HSD17B2: variants seen among roughly 807,000 people sequenced by gnomAD.
HSD17B2 encodes the protein 17-beta-hydroxysteroid dehydrogenase type 2.
A neutral mutation model predicts 26.9 loss-of-function variants in HSD17B2; 32 were observed. The observed-to-expected ratio is 1.19, with a 90% confidence interval of 0.90 to 1.60. The LOEUF is 1.60. Ranked by LOEUF, HSD17B2 falls within the 40% of genes most tolerant of loss-of-function variation. The pLI is 0.00. For synonymous variants in HSD17B2, 246 were observed against 186.7 expected (o/e 1.32, Z -2.59); for missense variants, 613 against 468.6 (o/e 1.31, Z -2.85).
At chr16:82,063,167 T>C (rs547998679) in intron 1 of HSD17B2, 1 of 152,170 alleles carries the variant, frequency 6.6e-6, no homozygotes, top group South Asian at 2.1e-4. Flanking sequence ...AAGAGAAGAA[T>C]CAGGCAGTCT....
At chr16:82,081,376 C>T (rs1262445799) in intron 3 of HSD17B2, among the ~76,000 whole-genome samples, 2 of 152,152 alleles carry the variant, frequency 1.3e-5, no homozygotes, top group Non-Finnish European at 2.9e-5. Flanking sequence ...CTCCTTCTCT[C>T]TCCCTGGGCC....
chr16:82,076,954 T>C (rs1017041544), intron 3 of HSD17B2, among the ~76,000 whole-genome samples: 10 of 152,182 alleles, frequency 6.6e-5, no homozygotes, highest in East Asian at 5.8e-4. Flanking sequence ...GGAATTAACC[T>C]AACCAGAGAA....
chr16:82,050,300 C>T (rs972732853), intron 1 of HSD17B2, among the ~76,000 whole-genome samples: 13 of 151,940 alleles, frequency 8.6e-5, no homozygotes, highest in African/African-American at 3.1e-4. Context: ...CCCAAGAACT[C>T]CCCTTCATTC....
At chr16:82,062,153 A>G (rs1304372850) in intron 1 of HSD17B2, among the ~76,000 whole-genome samples, 3 of 152,214 alleles carry the variant, frequency 2.0e-5, no homozygotes, top group Admixed American at 2.0e-4. Context: ...GGTGATTCAC[A>G]TTATTTCCCT....
intron 1 of HSD17B2, among the ~76,000 whole-genome samples, chr16:82,065,189 T>C (rs1914541860): frequency 6.6e-6 from 1 of 152,226 alleles, no homozygotes; most frequent in African/African-American, 2.4e-5. Context: ...GCAAAGTTCA[T>C]GATTCTCAGG....
chr16:82,065,307 T>C (rs1914544759), intron 1 of HSD17B2, among the ~76,000 whole-genome samples: 1 of 152,214 alleles, frequency 6.6e-6, no homozygotes, highest in South Asian at 2.1e-4. Flanking sequence ...TCCCCCTCTC[T>C]TAGCTCTCTA....
chr16:82,077,321 A>G (rs1904307695), intron 3 of HSD17B2, among the ~76,000 whole-genome samples: 1 of 152,234 alleles, frequency 6.6e-6, no homozygotes, highest in South Asian at 2.1e-4. Context: ...AAACAGACAT[A>G]TAGACCAACA....
chr16:82,038,391 C>G (rs1913675715), intron 1 of HSD17B2, among the ~76,000 whole-genome samples: 2 of 151,830 alleles, frequency 1.3e-5, no homozygotes, highest in South Asian at 4.2e-4. Context: ...AATCTGTTGC[C>G]CAGGCTGGAG....
At chr16:82,041,960 A>T (rs142047677) in intron 1 of HSD17B2, among the ~76,000 whole-genome samples, 56 of 149,038 alleles carry the variant, frequency 3.8e-4, no homozygotes, top group South Asian at 2.8e-3. Flanking sequence ...AAAATTTATC[A>T]TCTCCTCTTG....
At chr16:82,074,732 G>A (rs915776334) in intron 3 of HSD17B2, among the ~76,000 whole-genome samples, 1 of 152,174 alleles carries the variant, frequency 6.6e-6, no homozygotes, top group South Asian at 2.1e-4. Context: ...CAGAGAGATA[G>A]ACCTCAATAC....
chr16:82,092,214 C>G (rs868567221), intron 4 of HSD17B2: 1 of 152,132 alleles, frequency 6.6e-6, no homozygotes, highest in Non-Finnish European at 1.5e-5. Flanking sequence ...TCCCCAGCTT[C>G]TTTATATTTC....
intron 1 of HSD17B2, among the ~76,000 whole-genome samples, chr16:82,047,397 A>G (rs533082027): frequency 6.6e-6 from 1 of 152,342 alleles, no homozygotes; most frequent in South Asian, 2.1e-4. Flanking sequence ...GGGGATTAGA[A>G]TCCATTCATT....
At chr16:82,062,864 A>T (rs1336696980) in intron 1 of HSD17B2, among the ~76,000 whole-genome samples, 1 of 152,194 alleles carries the variant, frequency 6.6e-6, no homozygotes, top group Admixed American at 6.5e-5. Flanking sequence ...TCAAGGAGTG[A>T]TTCCTTAGCC....
intron 1 of HSD17B2, among the ~76,000 whole-genome samples, chr16:82,046,472 C>A (rs1448023715): frequency 6.6e-6 from 1 of 152,086 alleles, no homozygotes; most frequent in Non-Finnish European, 1.5e-5. Flanking sequence ...CCTGTAATCC[C>A]AGCACTTTGG....
At chr16:82,078,735 G>C (rs987533845) in intron 3 of HSD17B2, among the ~76,000 whole-genome samples, 2 of 152,184 alleles carry the variant, frequency 1.3e-5, no homozygotes, top group African/African-American at 4.8e-5. Context: ...GGATGGAACT[G>C]GAAGTCATTA....
At position 82,098,207 on chromosome 16, in the gene HSD17B2, C is replaced by T. The variant is rs766321993; in HGVS notation, c.935C>T (p.Ser312Leu). ...AQRNFLLLIN[S>L]LASKDFSPVL... ...CGGAATTTCCTCCTATTGATCAACT[C>T]GTTAGCCAGCAAGGACTTCTCTCCG... The change falls in exon 5 of 5, where the codon TCG (serine) becomes TTG (leucine). Residue 312 changes from serine (S) to leucine (L), a missense_variant. By Grantham distance (145) the Ser-to-Leu change is moderately radical. Transcript: ENST00000199936. 6.8e-6 allele frequency: 11 copies of T among 1,614,160 alleles called. No individual in the cohort carries two copies. The highest frequency in any genetic ancestry group is 2.2e-5 in the East Asian group (1 of 44,878).
At chr16:82,073,669 A>T (rs1914749250) in intron 3 of HSD17B2, among the ~76,000 whole-genome samples, 2 of 152,154 alleles carry the variant, frequency 1.3e-5, no homozygotes, top group Admixed American at 6.5e-5. Context: ...CTCCACAAGG[A>T]AGACTACAAA....
At chr16:82,052,719 C>G (rs1186931145) in intron 1 of HSD17B2, among the ~76,000 whole-genome samples, 3 of 152,188 alleles carry the variant, frequency 2.0e-5, no homozygotes, top group Non-Finnish European at 4.4e-5. Context: ...TTTCTCTTAG[C>G]TTGGGCAGTG....
intron 4 of HSD17B2, 127 bp from the exon 5 acceptor site, chr16:82,097,948 A>T (rs1904900822): frequency 1.1e-6 from 1 of 907,356 alleles, no homozygotes; most frequent in Non-Finnish European, 1.5e-6. Context: ...CCAAAAATAA[A>T]AAAATAAAAA....
Sources: allele counts gnomAD v4.1 joint callset (sites outside exome capture counted in the v4.1 genomes callset), GRCh38; gene constraint gnomAD v4.1.1; transcripts MANE v1.5; gene names NCBI Gene and HGNC (gene_info 2026-07-23, HGNC 2026-07-21).